GLIS3: variants seen among roughly 807,000 people sequenced by gnomAD.
GLIS3 encodes zinc finger protein GLIS3.
A neutral mutation model predicts 78.6 loss-of-function variants in GLIS3; 53 were observed. That is an observed-to-expected ratio of 0.67 (90% CI 0.54 to 0.85). GLIS3 has a LOEUF of 0.85. Among genes scored for constraint, GLIS3 ranks in the 40% least tolerant of loss-of-function variants. The pLI is 0.00. For synonymous variants in GLIS3, 684 were observed against 509.9 expected (o/e 1.34, Z -4.60); for missense variants, 1,703 against 1,231.1 (o/e 1.38, Z -5.74).
chr9:4,482,405 A>G, the GLIS3 span, among the ~76,000 whole-genome samples: 1 of 152,212 alleles, frequency 6.6e-6, no homozygotes, highest in African/African-American at 2.4e-5. Context: ...GATAAGTTCT[A>G]TCTAGACTGA....
chr9:3,899,657 TAA>T lies in GLIS3; in HGVS notation c.1984-824_1984-823del, dbSNP rs1771359236. ...GCAAATGGTAATCATCTTTGGTATTTAAAGAGTGTGTGTATAAATGGATTTTA... is the reference window on the plus strand; with the variant it reads ...GCAAATGGTAATCATCTTTGGTATTTAGAGTGTGTGTATAAATGGATTTTA... On this transcript the variant is annotated intron_variant, in intron 6 of 10. Coordinates refer to ENST00000381971, the MANE Select transcript of GLIS3 (RefSeq NM_001042413.2). 2.0e-5 allele frequency among the ~76,000 whole-genome samples: 3 copies of T among 152,212 alleles called. No homozygotes were observed. In the South Asian group the frequency reaches 6.2e-4, roughly 32 times the overall value.
chr9:3,837,887 T>G (rs1818451272), intron 9 of GLIS3, among the ~76,000 whole-genome samples: 1 of 151,960 alleles, frequency 6.6e-6, no homozygotes, highest in African/African-American at 2.4e-5. Flanking sequence ...ACCCCTAATA[T>G]CAGCTGTGGA....
the GLIS3 span, among the ~76,000 whole-genome samples, chr9:4,472,939 A>T: frequency 5.3e-5 from 8 of 152,196 alleles, no homozygotes; most frequent in Middle Eastern, 3.2e-3. Context: ...AAACATTTTT[A>T]AAAAATACTG....
chr9:4,165,135 T>C (rs780069597), intron 2 of GLIS3, among the ~76,000 whole-genome samples: 1 of 152,008 alleles, frequency 6.6e-6, no homozygotes, highest in Non-Finnish European at 1.5e-5. Context: ...ACATGGCAAA[T>C]AGACCATTCC....
chr9:4,158,280 A>C (rs1318407032), intron 2 of GLIS3, among the ~76,000 whole-genome samples: 3 of 152,154 alleles, frequency 2.0e-5, no homozygotes, highest in African/African-American at 7.2e-5. Flanking sequence ...TGTAGCATGA[A>C]AGAGACGTTT....
chr9:4,080,697 C>T (rs180841426), intron 4 of GLIS3, among the ~76,000 whole-genome samples: 2 of 152,228 alleles, frequency 1.3e-5, no homozygotes, highest in African/African-American at 4.8e-5. Flanking sequence ...CTGAGTAGGA[C>T]ATATTTTGTA....
intron 3 of GLIS3, 114 bp downstream of exon 3, chr9:4,125,620 G>C (rs1832512439): frequency 2.6e-6 from 2 of 783,024 alleles, no homozygotes; most frequent in Non-Finnish European, 4.4e-6. Flanking sequence ...TTGCTTGAGT[G>C]TGTAAGTGTA....
chr9:4,365,424 G>C, the GLIS3 span, among the ~76,000 whole-genome samples: 4 of 152,000 alleles, frequency 2.6e-5, no homozygotes, highest in East Asian at 7.7e-4. Flanking sequence ...TGGCATGGTG[G>C]CGGGTGCCTA....
intron 4 of GLIS3, among the ~76,000 whole-genome samples, chr9:4,048,457 G>A (rs909160778): frequency 6.6e-6 from 1 of 152,056 alleles, no homozygotes; most frequent in Non-Finnish European, 1.5e-5. Flanking sequence ...GGCTCAGTAT[G>A]TGCATAATAT....
intron 2 of GLIS3, among the ~76,000 whole-genome samples, chr9:4,334,888 G>C (rs1817734411): frequency 1.4e-5 from 2 of 144,450 alleles, no homozygotes; most frequent in Non-Finnish European, 3.0e-5. Flanking sequence ...GCTCTCAGAA[G>C]AGAAATCATT....
intron 7 of GLIS3, among the ~76,000 whole-genome samples, chr9:3,886,696 G>A (rs73643614): frequency 0.016 from 2,402 of 152,194 alleles, 61 homozygotes; most frequent in African/African-American, 0.055. Context: ...TACCTTCTGC[G>A]GTCTTTTTGC....
At chr9:4,287,572 C>G (rs1442265229) in intron 1 of GLIS3, among the ~76,000 whole-genome samples, 2 of 152,178 alleles carry the variant, frequency 1.3e-5, no homozygotes, top group Non-Finnish European at 2.9e-5. Context: ...AGATGACAGT[C>G]ATGGAAAGAA....
intron 4 of GLIS3, among the ~76,000 whole-genome samples, chr9:3,990,004 A>C (rs2129749929): frequency 6.6e-6 from 1 of 152,378 alleles, no homozygotes; most frequent in East Asian, 1.9e-4. Flanking sequence ...TAAAGTGTAC[A>C]AGGGCTCTCT....
At chr9:4,098,209 A>C (rs943651733) in intron 4 of GLIS3, among the ~76,000 whole-genome samples, 1 of 152,188 alleles carries the variant, frequency 6.6e-6, no homozygotes, top group African/African-American at 2.4e-5. Context: ...GTTCTTACTT[A>C]AATGCTAGTT....
intron 2 of GLIS3, among the ~76,000 whole-genome samples, chr9:4,188,901 G>C (rs1198284976): frequency 1.3e-5 from 2 of 151,632 alleles, no homozygotes; most frequent in Non-Finnish European, 2.9e-5. Context: ...TTCTTTATTA[G>C]TCTTGCTAGC....
At chr9:4,209,815 GCC>G (rs147694581) in intron 2 of GLIS3, among the ~76,000 whole-genome samples, 4 of 25,140 alleles carry the variant, frequency 1.6e-4, no homozygotes, top group African/African-American at 2.4e-4. Flanking sequence ...TAGCATTCCC[GCC>G]CCCCCCCAGT....
chr9:4,378,412 T>TG, the GLIS3 span, among the ~76,000 whole-genome samples: 1 of 152,214 alleles, frequency 6.6e-6, no homozygotes, highest in Non-Finnish European at 1.5e-5. Flanking sequence ...TAAAACATGT[T>TG]TTTGTTTGTT....
intron 6 of GLIS3, among the ~76,000 whole-genome samples, chr9:3,917,857 T>C (rs1824624511): frequency 6.6e-6 from 1 of 152,198 alleles, no homozygotes; most frequent in Non-Finnish European, 1.5e-5. Flanking sequence ...GGGAGTGAAG[T>C]GTTGCACTGC....
the GLIS3 span, among the ~76,000 whole-genome samples, chr9:4,437,508 C>T: frequency 2.0e-5 from 3 of 151,824 alleles, no homozygotes; most frequent in African/African-American, 7.3e-5. Context: ...AAGAATTAGG[C>T]ACCATAATGA....
Sources: gnomAD v4.1 joint callset for allele counts (sites outside exome capture counted in the v4.1 genomes callset) on GRCh38, gnomAD v4.1.1 for gene constraint, MANE v1.5 for transcripts, NCBI Gene and HGNC (gene_info 2026-07-23, HGNC 2026-07-21) for gene names.